The following USP6NL variants were observed in gnomAD, a reference collection of about 807,000 sequenced individuals.
USP6NL encodes USP6 N-terminal like.
Under a neutral mutation model 61.9 loss-of-function variants are expected in USP6NL, and 26 were observed. That is an observed-to-expected ratio of 0.42 (90% CI 0.31 to 0.58). USP6NL has a LOEUF of 0.58. Ranked by LOEUF, USP6NL falls within the 20% of genes least tolerant of loss-of-function variation. The pLI, the probability that USP6NL is intolerant of heterozygous loss-of-function variation, is 0.16. For synonymous variants in USP6NL, 432 were observed against 390.1 expected (o/e 1.11, Z -1.27); for missense variants, 1,114 against 1,034.3 (o/e 1.08, Z -1.06).
chr10:11,590,329 A>G (rs1429837710), intron 2 of USP6NL, among the ~76,000 whole-genome samples: 1 of 152,218 alleles, frequency 6.6e-6, no homozygotes, highest in Non-Finnish European at 1.5e-5. Context: ...ACTACAGGAA[A>G]TGAGATTTCT....
Position 11,462,347 on chromosome 10 carries a change from T to G in USP6NL, c.*94A>C. 1 of 1,392,892 alleles carries G rather than the reference T, an allele frequency of 7.2e-7. No homozygotes were observed. Among genetic ancestry groups the G allele is most frequent in the South Asian group, 1.5e-5 (1 of 68,320 alleles). 86.3% of individuals were successfully genotyped at this position (1,392,892 alleles called of 1,614,324 possible). On this transcript the variant is annotated 3_prime_UTR_variant, in exon 15 of 15. Transcript: ENST00000609104. ...AGACAGGAGAGATGTGCGAGTTGTT[T>G]ACAATAGTATAAATACTGCTTTGGC... is the stretch of plus-strand genomic sequence containing the variant.
chr10:11,470,202 C>T lies in USP6NL; in HGVS notation c.1079-6353G>A, dbSNP rs531908205. 3.9e-5 allele frequency among the ~76,000 whole-genome samples: 6 copies of T among 152,190 alleles called. No homozygotes were observed. In the South Asian group the frequency reaches 8.3e-4, roughly 21 times the overall value. On this transcript the variant is annotated intron_variant, in intron 14 of 14. Transcript: ENST00000609104. This position sits in a 1 kb window ranked among gnomAD's most constrained non-coding sequence, Gnocchi z 5.4. ...CAAGTAATGGAGAGGACCAGAGAAG[C>T]AGCCAGCAGCGCAGAGGGCATGAGG... is the stretch of plus-strand genomic sequence containing the variant.
chr10:11,554,728 G>T (rs1300609179), intron 2 of USP6NL, among the ~76,000 whole-genome samples: 2 of 150,134 alleles, frequency 1.3e-5, no homozygotes, highest in African/African-American at 4.9e-5. Context: ...AAATTACAAG[G>T]CATATGAAGA....
intron 6 of USP6NL, among the ~76,000 whole-genome samples, chr10:11,508,450 G>A (rs545724736): frequency 5.3e-5 from 8 of 152,242 alleles, no homozygotes; most frequent in East Asian, 1.9e-4. Context: ...CTTTTGCACC[G>A]ATCATAAAAA....
In USP6NL at chr10:11,562,645, T is replaced by G. The variant is rs1469401173; in HGVS notation, c.4+34986A>C. ...AACACTGAACAGTCCTCTAATTATT[T>G]GTGACACTCAACATTCATATGTTGT... is the stretch of plus-strand genomic sequence containing the variant. On this transcript the variant is annotated intron_variant, in intron 2 of 14. Transcript: ENST00000609104. The surrounding 1 kb of genome is among the most constrained non-coding windows in gnomAD (Gnocchi z 4.8). The G allele has an allele frequency of 3.0e-6, 3 of 985,324 alleles. No homozygotes were observed. Among genetic ancestry groups the G allele is most frequent in the African/African-American group, 1.7e-5 (1 of 57,240 alleles). The allele number at this position is 985,324 out of a possible 1,614,324, so 61.0% of individuals were successfully genotyped here. A position where few individuals can be genotyped will look rare whatever the true frequency, so the allele number is the denominator to read the frequency against.
In USP6NL at chr10:11,463,912, A is replaced by C; in HGVS notation, c.1079-63T>G. ...GAGTAAACAGTAGCCAGTTGAAGCA[A>C]TCCATTAGTAACAATGGCATGCTTT... On this transcript the variant is annotated intron_variant, in intron 14 of 14. Coordinates refer to ENST00000609104, the MANE Select transcript of USP6NL (RefSeq NM_014688.5). This position sits in a 1 kb window ranked among gnomAD's most constrained non-coding sequence, Gnocchi z 6.3. 2 of 1,398,764 alleles carry C rather than the reference A, an allele frequency of 1.4e-6. No individual in the cohort carries two copies. Among genetic ancestry groups the C allele is most frequent in the Non-Finnish European group, 1.9e-6 (2 of 1,051,968 alleles). The allele number at this position is 1,398,764 out of a possible 1,614,324, so 86.6% of individuals were successfully genotyped here.
Position 11,476,645 on chromosome 10 carries a change from G to A in USP6NL, c.1078+5125C>T, listed in dbSNP as rs887847672. 5.3e-5 allele frequency among the ~76,000 whole-genome samples: 8 copies of A among 152,054 alleles called. No homozygotes were observed. Among genetic ancestry groups the A allele is most frequent in the African/African-American group, 1.9e-4 (8 of 41,460 alleles). Reference sequence around the variant, plus strand: ...AGTTTTCATAAGTAAAATAAAAGATGCCAAACCCACACACAAAAACCCCCA... The same window carrying A: ...AGTTTTCATAAGTAAAATAAAAGATACCAAACCCACACACAAAAACCCCCA... On this transcript the variant is annotated intron_variant, in intron 14 of 14. Coordinates refer to ENST00000609104, the MANE Select transcript of USP6NL (RefSeq NM_014688.5). The surrounding 1 kb of genome is among the most constrained non-coding windows in gnomAD (Gnocchi z 4.3).
intron 7 of USP6NL, among the ~76,000 whole-genome samples, chr10:11,494,158 T>C (rs1566133532): frequency 6.6e-6 from 1 of 152,210 alleles, no homozygotes; most frequent in Non-Finnish European, 1.5e-5. Flanking sequence ...TTGGAAAATA[T>C]TTTTGCTCAA....
At chr10:11,507,485 C>T (rs573467300) in intron 6 of USP6NL, among the ~76,000 whole-genome samples, 1 of 152,214 alleles carries the variant, frequency 6.6e-6, no homozygotes, top group African/African-American at 2.4e-5. Context: ...GAACTCACCC[C>T]TGATGAAAAC....
At chr10:11,588,501 AAAT>A (rs1838053320) in intron 2 of USP6NL, among the ~76,000 whole-genome samples, 2 of 152,238 alleles carry the variant, frequency 1.3e-5, no homozygotes, top group Non-Finnish European at 2.9e-5. Context: ...AGATTTTCAG[AAAT>A]AATATTTTAA....
chr10:11,478,116 A>C lies in USP6NL; in HGVS notation c.1078+3654T>G, dbSNP rs1305120276. Among the ~76,000 whole-genome samples the C allele has an allele frequency of 6.6e-6, 1 of 152,284 alleles. No homozygotes were observed. The highest frequency in any genetic ancestry group is 1.5e-5 in the Non-Finnish European group (1 of 68,050). On this transcript the variant is annotated intron_variant, in intron 14 of 14. Transcript: ENST00000609104. This position sits in a 1 kb window ranked among gnomAD's most constrained non-coding sequence, Gnocchi z 6.8. ...AGAGTTTTCCTAACCAGTTAGAAAGAAATGGAAGAAAATCTTCAACTTGCA... is the reference window on the plus strand; with the variant it reads ...AGAGTTTTCCTAACCAGTTAGAAAGCAATGGAAGAAAATCTTCAACTTGCA...
chr10:11,563,198 C>T (rs879800184), intron 2 of USP6NL: 4 of 151,990 alleles, frequency 2.6e-5, no homozygotes, highest in Non-Finnish European at 5.9e-5. Context: ...ATATATGATT[C>T]CATTTATATA....
In USP6NL at chr10:11,600,528, G is replaced by A. The variant is rs1838485261; in HGVS notation, c.-83-2811C>T. On this transcript the variant is annotated intron_variant, in intron 1 of 14. Transcript: ENST00000609104. The surrounding 1 kb of genome is among the most constrained non-coding windows in gnomAD (Gnocchi z 4.1). The stretch of plus-strand genomic sequence containing the variant: ...GTTACACAGCATTATTACAGCCAAA[G>A]ATGACTAATACAGACAGTAAAGATA... 6.6e-6 allele frequency among the ~76,000 whole-genome samples: 1 copy of A among 152,148 alleles called. No homozygotes were observed. The highest frequency in any genetic ancestry group is 2.4e-5 in the African/African-American group (1 of 41,424).
chr10:11,517,896 TG>T lies in USP6NL; in HGVS notation c.195+638del, dbSNP rs1445297419. 1.2e-4 allele frequency among the ~76,000 whole-genome samples: 18 copies of T among 152,100 alleles called. No homozygotes were observed. In the East Asian group the frequency reaches 3.5e-3, roughly 29 times the overall value. On this transcript the variant is annotated intron_variant, in intron 5 of 14. Transcript: ENST00000609104. ...AGTTCATTTTCTGGTACAGAAACAG[TG>T]GGGAGGAAAAGGGAGATTTCGGACA... is the stretch of plus-strand genomic sequence containing the variant.
Position 11,597,794 on chromosome 10 carries a change from C to A in USP6NL, c.-83-77G>T, listed in dbSNP as rs1838379156. 1 of 541,612 alleles carries A rather than the reference C, an allele frequency of 1.8e-6. No individual in the cohort carries two copies. The highest frequency in any genetic ancestry group is 3.3e-6 in the Non-Finnish European group (1 of 303,924). The allele number at this position is 541,612 out of a possible 1,614,324, so 33.6% of individuals were successfully genotyped here. ...AAAATAAAGTTTTCTTAAAGAAAAT[C>A]ATTTTGTTTCAAAAATATTCTACTA... On this transcript the variant is annotated intron_variant, in intron 1 of 14. Coordinates refer to ENST00000609104, the MANE Select transcript of USP6NL (RefSeq NM_014688.5). This position sits in a 1 kb window ranked among gnomAD's most constrained non-coding sequence, Gnocchi z 4.6.
Position 11,509,600 on chromosome 10 carries a change from C to A in USP6NL, c.271G>T (p.Glu91Ter). Reference sequence around the variant, plus strand: ...AAAACATGATTTTAAATTACCTTTTCAGTGTTCTTGTATTTTTCCCATCCT... The same window carrying A: ...AAAACATGATTTTAAATTACCTTTTAAGTGTTCTTGTATTTTTCCCATCCT... ...LKGWEKYKNT[E>*]KFHRRIYKGI... Residue 91 changes from glutamate (E) to a stop codon, truncating the protein, a stop_gained, in exon 6 of 15, where the codon GAA (glutamate) becomes TAA (stop). Transcript: ENST00000609104. LOFTEE classifies it high-confidence loss of function. The A allele has an allele frequency of 6.4e-7, 1 of 1,555,044 alleles. No individual in the cohort carries two copies.
chr10:11,551,368 A>G (rs906736968), intron 2 of USP6NL, among the ~76,000 whole-genome samples: 5 of 152,244 alleles, frequency 3.3e-5, no homozygotes, highest in Admixed American at 2.0e-4. Flanking sequence ...AACTTCATTT[A>G]TATGAAATGC....
Position 11,461,668 on chromosome 10 carries a change from T to C in USP6NL, c.*773A>G, listed in dbSNP as rs547887956. ...TAAGACCAATCTCTTAGTATGTGGA[T>C]GTGATAAGCACTGCTGCACCTTTGG... On this transcript the variant is annotated 3_prime_UTR_variant, in exon 15 of 15. Coordinates refer to ENST00000609104, the MANE Select transcript of USP6NL (RefSeq NM_014688.5). 6.6e-6 allele frequency: 1 copy of C among 152,380 alleles called. No homozygotes were observed. The highest frequency in any genetic ancestry group is 2.4e-5 in the African/African-American group (1 of 41,588). The allele number at this position is 152,380 out of a possible 1,614,324, so 9.4% of individuals were successfully genotyped here.
rs1407599307 is a variant in USP6NL, at chr10:11,482,841, C to T, written c.926-919G>A. Among the ~76,000 whole-genome samples the T allele has an allele frequency of 6.6e-6, 1 of 151,922 alleles. No homozygotes were observed. The highest frequency in any genetic ancestry group is 1.9e-4 in the East Asian group (1 of 5,196). On this transcript the variant is annotated intron_variant, in intron 13 of 14. Coordinates refer to ENST00000609104, the MANE Select transcript of USP6NL (RefSeq NM_014688.5). This position sits in a 1 kb window ranked among gnomAD's most constrained non-coding sequence, Gnocchi z 4.0. Reference sequence around the variant, plus strand: ...TTTAGCTAACTATTGGTTAATATGCCCAGAAAGAGTTTTTCTTTTTTTTAA... The same window carrying T: ...TTTAGCTAACTATTGGTTAATATGCTCAGAAAGAGTTTTTCTTTTTTTTAA...
Sources: gnomAD v4.1 joint callset for allele counts (sites outside exome capture counted in the v4.1 genomes callset) on GRCh38, gnomAD v4.1.1 for gene constraint, Gnocchi (gnomAD v3.1) non-coding constraint, MANE v1.5 for transcripts, NCBI Gene and HGNC (gene_info 2026-07-23, HGNC 2026-07-21) for gene names.